KLF13: variants seen among roughly 807,000 people sequenced by gnomAD.
KLF13 encodes the protein KLF transcription factor 13.
A neutral mutation model predicts 16.7 loss-of-function variants in KLF13; 8 were observed. That is an observed-to-expected ratio of 0.48 (90% CI 0.28 to 0.87). KLF13 has a LOEUF of 0.87. Ranked by LOEUF, KLF13 falls within the 40% of genes least tolerant of loss-of-function variation. The pLI is 0.10. For synonymous variants in KLF13, 245 were observed against 208.4 expected, an observed-to-expected ratio of 1.18 and a Z score of -1.51; for missense variants, 447 against 452.2, an observed-to-expected ratio of 0.99 and a Z score of 0.10.
In KLF13 at chr15:31,327,569, C is replaced by A; in HGVS notation, c.357C>A (p.Ser119Arg). 3 of 1,152,912 alleles carry A rather than the reference C, an allele frequency of 2.6e-6. No individual in the cohort carries two copies. Among genetic ancestry groups the A allele is most frequent in the Non-Finnish European group, 3.2e-6 (3 of 932,648 alleles). The allele number at this position is 1,152,912 out of a possible 1,614,324, so 71.4% of individuals were successfully genotyped here. Residue 119 changes from serine to arginine, a missense_variant, in exon 1 of 2, where the codon AGC becomes AGA. Physicochemically the swap from Ser to Arg is moderately radical, Grantham distance 110. Transcript: ENST00000307145. ...AAGGCGCGGCGGCCGCGCCCCCCAG[C>A]CCGGCGTGGAGCGAGCCGGAGCCCG... ...GAEGAAAAPP[S>R]PAWSEPEPEA...
rs759026266 is a variant in KLF13 at position 31,395,241 on chromosome 15, A to G, written n.529+1550A>G. On this transcript the variant is annotated intron_variant and non_coding_transcript_variant, in intron 2 of 2. Transcript: ENST00000500533. ...GTGATTTGCCCACTTCTGCCTCCCA[A>G]AGTGCTGAGATTACAGGCGTGAGCC... Among the ~76,000 whole-genome samples the G allele has an allele frequency of 2.8e-4, 42 of 152,120 alleles. 2 individuals carry two copies. Among genetic ancestry groups the G allele is most frequent in the Non-Finnish European group, 1.2e-4 (8 of 68,020 alleles).
At chr15:31,392,514 C>G (rs908858521), upstream of KLF13, among the ~76,000 whole-genome samples, 4 of 152,180 alleles carry the variant, frequency 2.6e-5, no homozygotes, top group Non-Finnish European at 4.4e-5. Flanking sequence ...CTCCTCAGGA[C>G]CCTGACGGCG....
At chr15:31,349,031 A>G (rs577130377) in intron 1 of KLF13, among the ~76,000 whole-genome samples, 3 of 152,266 alleles carry the variant, frequency 2.0e-5, no homozygotes, top group East Asian at 3.9e-4. Flanking sequence ...AAGACCATCC[A>G]TCAAGCTGGG....
intron 2 of KLF13, among the ~76,000 whole-genome samples, chr15:31,399,921 T>A (rs542065805): frequency 2.3e-4 from 35 of 152,380 alleles, no homozygotes; most frequent in Admixed American, 1.7e-3. Context: ...TAGGCCCCTT[T>A]GCTCAGTGGC....
At chr15:31,423,153 ACG>A (rs1491170639) in intron 1 of KLF13, among the ~76,000 whole-genome samples, 1 of 118,844 alleles carries the variant, frequency 8.4e-6, no homozygotes, top group African/African-American at 4.3e-5. Flanking sequence ...ACGTATATAT[ACG>A]TATATATATG....
chr15:31,332,733 T>A (rs1378413441), intron 1 of KLF13, among the ~76,000 whole-genome samples: 1 of 152,170 alleles, frequency 6.6e-6, no homozygotes, highest in Non-Finnish European at 1.5e-5. Context: ...ATAGCTTTAA[T>A]CTGATTGGTT....
At chr15:31,357,553 G>C (rs1297562011) in intron 1 of KLF13, among the ~76,000 whole-genome samples, 1 of 152,200 alleles carries the variant, frequency 6.6e-6, no homozygotes, top group Non-Finnish European at 1.5e-5. Flanking sequence ...GGGTGGTCCT[G>C]CTGCACACTG....
chr15:31,334,065 C>T (rs1322194231), intron 1 of KLF13, among the ~76,000 whole-genome samples: 1 of 152,182 alleles, frequency 6.6e-6, no homozygotes, highest in Non-Finnish European at 1.5e-5. Context: ...CTCCATCTTC[C>T]AGCTTCCTTG....
intron 1 of KLF13, among the ~76,000 whole-genome samples, chr15:31,416,002 T>C (rs1417134220): frequency 1.3e-5 from 2 of 152,250 alleles, no homozygotes; most frequent in South Asian, 2.1e-4. Flanking sequence ...CTACCGACTT[T>C]ACAGAAGTAA....
At chr15:31,328,687 A>G (rs912615201) in intron 1 of KLF13, among the ~76,000 whole-genome samples, 1 of 152,108 alleles carries the variant, frequency 6.6e-6, no homozygotes, top group Non-Finnish European at 1.5e-5. Flanking sequence ...CAGCGGCAAC[A>G]GTTCCCACGC....
chr15:31,427,570 C>T lies in KLF13; in HGVS notation n.118-7800C>T, dbSNP rs2040414758. 2.6e-5 allele frequency among the ~76,000 whole-genome samples: 4 copies of T among 152,172 alleles called. No homozygotes were observed. The South Asian group carries it at 8.3e-4, about 32-fold the overall frequency. On this transcript the variant is annotated intron_variant and non_coding_transcript_variant, in intron 1 of 1. Transcript: ENST00000558225. ...CAAGATGTGGAAACAACTTAAATGT[C>T]TATGGACAGATGAATGGATAAGCAA...
At chr15:31,350,228 G>A (rs542792544) in intron 1 of KLF13, among the ~76,000 whole-genome samples, 6 of 152,358 alleles carry the variant, frequency 3.9e-5, no homozygotes, top group Admixed American at 2.0e-4. Context: ...CTGGACCCAC[G>A]GATCCTGGAC....
At chr15:31,392,712 T>C (rs2039890306), upstream of KLF13, 1 of 152,218 alleles carries the variant, frequency 6.6e-6, no homozygotes, top group South Asian at 2.1e-4. Flanking sequence ...CTCGCGGTAT[T>C]TTAACAATGG....
Position 31,423,154 on chromosome 15 carries a change from CGTATATATAT to C in KLF13, n.118-12205_118-12196del, listed in dbSNP as rs1325517261. Among the ~76,000 whole-genome samples the C allele has an allele frequency of 3.2e-5, 3 of 92,602 alleles. 1 individual carries two copies. The highest frequency in any genetic ancestry group is 5.1e-5 in the African/African-American group (1 of 19,752). 60.8% of individuals were successfully genotyped at this position (92,602 alleles called of 152,430 possible). A position where few individuals can be genotyped will look rare whatever the true frequency, so the allele number is the denominator to read the frequency against. Reference sequence around the variant, plus strand: ...ATACGTATACGTATACGTATATATACGTATATATATGTATATATATACATATATACGTATA... The same window carrying C: ...ATACGTATACGTATACGTATATATACGTATATATATACATATATACGTATA... On this transcript the variant is annotated intron_variant and non_coding_transcript_variant, in intron 1 of 1. Coordinates refer to the KLF13 transcript ENST00000558225.
intron 1 of KLF13, among the ~76,000 whole-genome samples, chr15:31,429,977 C>T (rs1029677907): frequency 2.0e-5 from 3 of 152,088 alleles, no homozygotes; most frequent in South Asian, 2.1e-4. Context: ...CTTGTGACCG[C>T]CCGCCTTGGC....
chr15:31,331,882 T>G (rs1277807095), intron 1 of KLF13, among the ~76,000 whole-genome samples: 1 of 152,262 alleles, frequency 6.6e-6, no homozygotes, highest in African/African-American at 2.4e-5. Context: ...TGAAACATAC[T>G]TAAATAGGAT....
chr15:31,383,696 C>A (rs111270613), intron 1 of KLF13, among the ~76,000 whole-genome samples: 60 of 152,068 alleles, frequency 3.9e-4, no homozygotes, highest in Non-Finnish European at 5.7e-4. Context: ...GTCAGGAGAT[C>A]GAGACCATCC....
intron 2 of KLF13, among the ~76,000 whole-genome samples, chr15:31,399,512 C>T (rs548359785): frequency 1.3e-5 from 2 of 152,328 alleles, no homozygotes; most frequent in African/African-American, 4.8e-5. Flanking sequence ...CCACACACTG[C>T]CCTTGGTTTC....
chr15:31,425,201 T>A (rs1425633472), intron 1 of KLF13, among the ~76,000 whole-genome samples: 1 of 152,186 alleles, frequency 6.6e-6, no homozygotes, highest in Non-Finnish European at 1.5e-5. Context: ...TGTTAAATGT[T>A]CATACTACCC....
Sources: gnomAD v4.1 joint callset for allele counts (sites outside exome capture counted in the v4.1 genomes callset) on GRCh38, gnomAD v4.1.1 for gene constraint, MANE v1.5 for transcripts, NCBI Gene and HGNC (gene_info 2026-07-23, HGNC 2026-07-21) for gene names.